The following ANKRD30B variants were observed in gnomAD, a reference collection of about 807,000 sequenced individuals.
The protein encoded by ANKRD30B is ankyrin repeat domain-containing protein 30B.
ANKRD30B carries 144 observed loss-of-function variants against 202.2 expected under a neutral mutation model. The observed-to-expected ratio is 0.71, with a 90% CI of 0.62 to 0.82. The LOEUF is 0.82. Ranked by LOEUF, ANKRD30B falls within the 40% of genes least tolerant of loss-of-function variation. The pLI, the probability that ANKRD30B is intolerant of heterozygous loss-of-function variation, is 0.00. For missense variants in ANKRD30B, 1,487 were observed against 1,669.1 expected (o/e 0.89, Z 1.90); for synonymous variants, 508 against 561.3 (o/e 0.91, Z 1.34).
At chr18:14,794,225 G>C (rs1968723426) in intron 16 of ANKRD30B, among the ~76,000 whole-genome samples, 1 of 151,758 alleles carries the variant, frequency 6.6e-6, no homozygotes, top group African/African-American at 2.4e-5. Context: ...TTCCCTGCTT[G>C]CTTCCTCTGC....
chr18:14,896,415 G>A, the ANKRD30B span, among the ~76,000 whole-genome samples: 3 of 152,088 alleles, frequency 2.0e-5, no homozygotes, highest in Admixed American at 6.6e-5. Context: ...ATAGGGGTGA[G>A]CCACCGCGCC....
In ANKRD30B at chr18:14,848,749, T is replaced by C. The variant is rs112580106; in HGVS notation, c.3215T>C (p.Leu1072Pro). 7,735 of 1,564,276 alleles carry C rather than the reference T, an allele frequency of 4.9e-3. 357 individuals are homozygous for C. The African/African-American group carries it at 0.094, about 19-fold the overall frequency. The part of the protein sequence containing the change: ...STTLSKILDA[L>P]PSCERGRELK... ...ACCCTATCAAAAATCTTGGATGCAC[T>C]TCCTTCTTGTGAAAGAGGAAGGGAA... Residue 1072 changes from leucine (L) to proline (P), a missense_variant, in exon 40 of 44, where the codon CTT (leucine) becomes CCT (proline). Physicochemically the swap from Leu to Pro is moderately conservative, Grantham distance 98. Transcript: ENST00000690538.
chr18:14,826,279 G>A (rs372564877), intron 32 of ANKRD30B, among the ~76,000 whole-genome samples: 1 of 152,338 alleles, frequency 6.6e-6, no homozygotes, highest in South Asian at 2.1e-4. Context: ...ATGAAAAGTA[G>A]GAGAGGAGTC....
chr18:14,892,330 C>T, the ANKRD30B span, among the ~76,000 whole-genome samples: 6 of 152,212 alleles, frequency 3.9e-5, no homozygotes, highest in Admixed American at 2.6e-4. Flanking sequence ...TTATGATAGG[C>T]AGACATCTTC....
At chr18:14,754,453 G>C (rs554229810) in intron 3 of ANKRD30B, among the ~76,000 whole-genome samples, 1 of 152,126 alleles carries the variant, frequency 6.6e-6, no homozygotes, top group Non-Finnish European at 1.5e-5. Flanking sequence ...GGTGGAATCT[G>C]TTGGGGTACA....
At chr18:14,756,396 C>T (rs1287113274) in intron 4 of ANKRD30B, among the ~76,000 whole-genome samples, 1 of 152,074 alleles carries the variant, frequency 6.6e-6, no homozygotes, top group Non-Finnish European at 1.5e-5. Flanking sequence ...TGTGCAGAAG[C>T]TCTTTAGTTT....
chr18:14,879,513 CAT>C, the ANKRD30B span, among the ~76,000 whole-genome samples: 1 of 152,106 alleles, frequency 6.6e-6, no homozygotes, highest in African/African-American at 2.4e-5. Context: ...TCAACATTGA[CAT>C]AGTCAATACA....
the ANKRD30B span, among the ~76,000 whole-genome samples, chr18:14,862,002 A>G: frequency 6.6e-6 from 1 of 152,270 alleles, no homozygotes; most frequent in African/African-American, 2.4e-5. Flanking sequence ...ACAGAGGTAC[A>G]TGGAAACTAA....
chr18:14,907,958 T>G, the ANKRD30B span, among the ~76,000 whole-genome samples: 1 of 152,112 alleles, frequency 6.6e-6, no homozygotes, highest in Non-Finnish European at 1.5e-5. Flanking sequence ...TTGAGATACA[T>G]TAACAGAAAA....
chr18:14,810,853 C>T (rs1225991014), intron 28 of ANKRD30B, among the ~76,000 whole-genome samples: 1 of 151,234 alleles, frequency 6.6e-6, no homozygotes, highest in South Asian at 2.1e-4. Context: ...GTGGCACATG[C>T]CTGTAATCCT....
intron 7 of ANKRD30B, among the ~76,000 whole-genome samples, chr18:14,767,354 A>G (rs912379165): frequency 5.9e-5 from 9 of 152,194 alleles, no homozygotes; most frequent in Non-Finnish European, 1.3e-4. Context: ...TTTTCTATAT[A>G]TGCATATTTA....
At chr18:14,838,204 G>A (rs1971262651) in intron 36 of ANKRD30B, among the ~76,000 whole-genome samples, 1 of 152,212 alleles carries the variant, frequency 6.6e-6, no homozygotes, top group African/African-American at 2.4e-5. Flanking sequence ...CTTGAGTTCT[G>A]AAGTTAAGTT....
the ANKRD30B span, among the ~76,000 whole-genome samples, chr18:14,891,150 G>A: frequency 2.6e-5 from 4 of 152,112 alleles, no homozygotes; most frequent in African/African-American, 4.8e-5. Flanking sequence ...AAGTCGAAGT[G>A]TCAATTATCT....
the ANKRD30B span, among the ~76,000 whole-genome samples, chr18:14,896,705 C>T: frequency 2.1e-5 from 3 of 142,028 alleles, no homozygotes; most frequent in East Asian, 2.0e-4. Context: ...GGAGTAAGGT[C>T]ATAATAAAAA....
chr18:14,888,586 G>A, the ANKRD30B span: 1 of 368,930 alleles, frequency 2.7e-6, no homozygotes, highest in Admixed American at 4.6e-5. Flanking sequence ...CAGTTTTTCA[G>A]TAGTTTTCCA....
chr18:14,858,163 A>T (rs1168871030), downstream of ANKRD30B, among the ~76,000 whole-genome samples: 1 of 86,892 alleles, frequency 1.2e-5, no homozygotes, highest in Non-Finnish European at 2.3e-5. Context: ...ATGGGCAGCC[A>T]GGCAGAGGCG....
At chr18:14,820,691 C>T (rs1970369316) in intron 30 of ANKRD30B, among the ~76,000 whole-genome samples, 2 of 152,104 alleles carry the variant, frequency 1.3e-5, no homozygotes, top group African/African-American at 4.8e-5. Context: ...ATTGAACCAG[C>T]CTTGCATCCC....
chr18:14,884,362 A>G, the ANKRD30B span, among the ~76,000 whole-genome samples: 1 of 152,052 alleles, frequency 6.6e-6, no homozygotes, highest in East Asian at 1.9e-4. Flanking sequence ...CCTTGATTGC[A>G]CCTCATGAGG....
At chr18:14,878,379 AC>A in the ANKRD30B span, among the ~76,000 whole-genome samples, 60,607 of 151,888 alleles carry the variant, frequency 0.4, 13,491 homozygotes, top group East Asian at 0.59. Flanking sequence ...AAAGGCACCT[AC>A]CCCATTTACA....
Sources: gnomAD v4.1 joint callset for allele counts (sites outside exome capture counted in the v4.1 genomes callset) on GRCh38, gnomAD v4.1.1 for gene constraint, MANE v1.5 for transcripts, NCBI Gene and HGNC (gene_info 2026-07-23, HGNC 2026-07-21) for gene names.